Variants in MAST4 observed in about 807,000 individuals in gnomAD.
MAST4 encodes microtubule-associated serine/threonine-protein kinase 4.
Under a neutral mutation model 162.7 loss-of-function variants are expected in MAST4, and 89 were observed. The observed-to-expected ratio is 0.55, with a 90% CI of 0.46 to 0.65. The LOEUF is 0.65. MAST4 is among the 30% of genes least tolerant of loss of function. The pLI is 0.00. For synonymous variants in MAST4, 1,479 were observed against 1,361.1 expected (o/e 1.09, Z -1.91); for missense variants, 3,153 against 3,374.0 (o/e 0.93, Z 1.62).
intron 1 of MAST4, among the ~76,000 whole-genome samples, chr5:66,623,574 A>G (rs1010998898): frequency 2.0e-5 from 3 of 152,240 alleles, no homozygotes; most frequent in Non-Finnish European, 4.4e-5. Context: ...GACAAAAATT[A>G]ACATTATTTT....
chr5:67,093,673 G>A (rs1399955939), intron 6 of MAST4: 1 of 456,054 alleles, frequency 2.2e-6, no homozygotes, highest in Non-Finnish European at 4.5e-6. Context: ...ATAAGAACAT[G>A]TCTTCTCTTG....
At chr5:66,816,796 A>T (rs1323136297) in intron 3 of MAST4, among the ~76,000 whole-genome samples, 1 of 152,088 alleles carries the variant, frequency 6.6e-6, no homozygotes, top group Non-Finnish European at 1.5e-5. Context: ...TAGACTTGGG[A>T]TTTCTAAACT....
At chr5:66,735,119 C>G (rs1752081643) in intron 1 of MAST4, among the ~76,000 whole-genome samples, 1 of 152,144 alleles carries the variant, frequency 6.6e-6, no homozygotes, top group African/African-American at 2.4e-5. Flanking sequence ...AGAAACTGAG[C>G]TTTTTTAAAA....
intron 14 of MAST4, among the ~76,000 whole-genome samples, chr5:67,126,583 G>A (rs552302176): frequency 7.9e-5 from 12 of 152,138 alleles, no homozygotes; most frequent in Non-Finnish European, 1.2e-4. Context: ...TGAGCCCTCC[G>A]TTCTGTTCTA....
At chr5:66,785,226 G>T (rs1257598085) in intron 2 of MAST4, among the ~76,000 whole-genome samples, 1 of 152,106 alleles carries the variant, frequency 6.6e-6, no homozygotes. Context: ...GTGAGACCCT[G>T]TCTCAAAAAA....
intron 1 of MAST4, among the ~76,000 whole-genome samples, chr5:66,706,655 T>C (rs2149518112): frequency 6.6e-6 from 1 of 152,104 alleles, no homozygotes; most frequent in South Asian, 2.1e-4. Context: ...CTCAAACTAA[T>C]GATTCATAAA....
At chr5:66,997,006 T>G (rs1416923362) in intron 4 of MAST4, among the ~76,000 whole-genome samples, 1 of 152,252 alleles carries the variant, frequency 6.6e-6, no homozygotes, top group African/African-American at 2.4e-5. Flanking sequence ...GTATTAACAA[T>G]TGCCCTCATC....
intron 10 of MAST4, among the ~76,000 whole-genome samples, chr5:67,106,866 G>A (rs545278159): frequency 6.6e-6 from 1 of 152,228 alleles, no homozygotes; most frequent in African/African-American, 2.4e-5. Flanking sequence ...GTGTTTATCG[G>A]TTCCTCAGAA....
intron 2 of MAST4, among the ~76,000 whole-genome samples, chr5:66,764,225 G>A (rs145937104): frequency 6.6e-6 from 1 of 152,318 alleles, no homozygotes; most frequent in East Asian, 1.9e-4. Flanking sequence ...TTTGGGTCCA[G>A]ATTTGTTCTA....
At chr5:67,031,272 C>T (rs1277641829) in intron 4 of MAST4, among the ~76,000 whole-genome samples, 3 of 152,268 alleles carry the variant, frequency 2.0e-5, no homozygotes, top group African/African-American at 4.8e-5. Flanking sequence ...AAGCCCTGGG[C>T]ATTTCCCAGA....
chr5:67,035,534 GAC>G (rs1441618327), intron 4 of MAST4, among the ~76,000 whole-genome samples: 2 of 152,116 alleles, frequency 1.3e-5, no homozygotes, highest in African/African-American at 4.8e-5. Flanking sequence ...GTGGTCAAGT[GAC>G]ACAGAAACCA....
At chr5:66,812,201 C>G (rs536189599) in intron 3 of MAST4, among the ~76,000 whole-genome samples, 1 of 152,214 alleles carries the variant, frequency 6.6e-6, no homozygotes, top group Non-Finnish European at 1.5e-5. Flanking sequence ...CCACACCAGA[C>G]CAGGAAGTAT....
chr5:66,651,474 T>C lies in MAST4; in HGVS notation c.363+54456T>C, dbSNP rs921627622. 2.0e-5 allele frequency among the ~76,000 whole-genome samples: 3 copies of C among 152,144 alleles called. No individual in the cohort carries two copies. The East Asian group carries it at 5.8e-4, about 29-fold the overall frequency. Reference sequence around the variant, plus strand: ...TCTTCATAAAATTTGTCAAAATTCCTTTTTTGATAGTTTTTAATTCACTTC... The same window carrying C: ...TCTTCATAAAATTTGTCAAAATTCCCTTTTTGATAGTTTTTAATTCACTTC... On this transcript the variant is annotated intron_variant, in intron 1 of 28. Coordinates refer to ENST00000403625, the MANE Select transcript of MAST4 (RefSeq NM_001164664.2).
chr5:66,992,145 TTA>T (rs758954824), intron 4 of MAST4, among the ~76,000 whole-genome samples: 17 of 152,216 alleles, frequency 1.1e-4, no homozygotes, highest in Non-Finnish European at 2.5e-4. Context: ...ATGCGTGATT[TTA>T]TGATTGCAAT....
rs201379643 is a variant in MAST4, at chr5:67,131,774, T to C, written c.1955-39T>C. 8.3e-4 allele frequency: 1,331 copies of C among 1,605,184 alleles called. 5 individuals carry two copies. The highest frequency in any genetic ancestry group is 7.0e-4 in the Non-Finnish European group (818 of 1,175,284). On this transcript the variant is annotated intron_variant, in intron 15 of 28. Transcript: ENST00000403625. ...CTAAACTGATTTTCTACATTAAGCC[T>C]TCATCCTATAGCTACTAACTCTTTT...
intron 2 of MAST4, among the ~76,000 whole-genome samples, chr5:66,760,382 G>A (rs1392018887): frequency 1.3e-5 from 2 of 152,026 alleles, no homozygotes; most frequent in African/African-American, 4.8e-5. Flanking sequence ...CCAAAGTGCT[G>A]GGATTACAGG....
intron 4 of MAST4, among the ~76,000 whole-genome samples, chr5:67,042,360 G>T (rs1444576082): frequency 6.6e-5 from 10 of 152,154 alleles, no homozygotes; most frequent in Non-Finnish European, 1.3e-4. Context: ...GCGTCTTCTG[G>T]TAATTCCCCA....
intron 5 of MAST4, among the ~76,000 whole-genome samples, chr5:67,088,956 G>A (rs890302237): frequency 1.3e-5 from 2 of 152,130 alleles, no homozygotes; most frequent in African/African-American, 4.8e-5. Flanking sequence ...TCCTTAATGT[G>A]TTAGTCTATT....
chr5:67,065,717 G>T (rs1409160997), intron 5 of MAST4, among the ~76,000 whole-genome samples: 1 of 152,150 alleles, frequency 6.6e-6, no homozygotes, highest in African/African-American at 2.4e-5. Flanking sequence ...TCATGTACAG[G>T]AATGATATCT....
Sources: gnomAD v4.1 joint callset for allele counts (sites outside exome capture counted in the v4.1 genomes callset) on GRCh38, gnomAD v4.1.1 for gene constraint, MANE v1.5 for transcripts, NCBI Gene and HGNC (gene_info 2026-07-23, HGNC 2026-07-21) for gene names.